Variants in DENND2B observed in about 807,000 individuals in gnomAD.
DENND2B encodes DENN domain-containing protein 2B.
A neutral mutation model predicts 116.0 loss-of-function variants in DENND2B; 32 were observed. That is an observed-to-expected ratio of 0.28 (90% CI 0.21 to 0.37). DENND2B has a LOEUF of 0.37. Among genes scored for constraint, DENND2B ranks in the 10% least tolerant of loss-of-function variants. The probability of loss-of-function intolerance (pLI) is 1.00; values close to 1 mark genes in which losing one functional copy is unlikely to be tolerated. For synonymous variants in DENND2B, 588 were observed against 583.9 expected (o/e 1.01, Z -0.10); for missense variants, 1,276 against 1,477.7 (o/e 0.86, Z 2.24).
chr11:8,792,183 C>T (rs1045593414), intron 1 of DENND2B, among the ~76,000 whole-genome samples: 1 of 152,080 alleles, frequency 6.6e-6, no homozygotes, highest in African/African-American at 2.4e-5. Context: ...CCAGCCTGGG[C>T]AACAGAGTGA....
chr11:8,755,678 G>C (rs571397981), intron 1 of DENND2B, among the ~76,000 whole-genome samples: 8 of 152,292 alleles, frequency 5.3e-5, no homozygotes, highest in Admixed American at 1.3e-4. Flanking sequence ...GGTAGAGATG[G>C]GGTTTCTTTA....
Position 8,743,561 on chromosome 11 carries a change from T to A in DENND2B, c.80+7060A>T, listed in dbSNP as rs552522181. On this transcript the variant is annotated intron_variant, in intron 2 of 19. Coordinates refer to ENST00000313726, the MANE Select transcript of DENND2B (RefSeq NM_213618.2). ...TGAGACCCTGTCTCAAAAAAAAAAA[T>A]TTTTTTTTTAAATTACTTAAAGTGT... 4.6e-4 allele frequency among the ~76,000 whole-genome samples: 68 copies of A among 148,478 alleles called. 1 individual carries two copies. The South Asian group carries it at 5.1e-3, about 11-fold the overall frequency.
chr11:8,910,141 C>T (rs1450172750), intron 1 of DENND2B, among the ~76,000 whole-genome samples: 1 of 151,904 alleles, frequency 6.6e-6, no homozygotes, highest in Non-Finnish European at 1.5e-5. Flanking sequence ...GTACTTCCCA[C>T]TGGAGGGGAG....
At chr11:8,882,106 C>T (rs1239968232) in intron 1 of DENND2B, among the ~76,000 whole-genome samples, 1 of 152,072 alleles carries the variant, frequency 6.6e-6, no homozygotes, top group African/African-American at 2.4e-5. Context: ...ATCTCTAGCT[C>T]CGACTTCTCT....
In DENND2B at chr11:8,763,437, G is replaced by A. The variant is rs556434221; in HGVS notation, c.-25-12712C>T. Among the ~76,000 whole-genome samples the A allele has an allele frequency of 5.9e-5, 9 of 152,032 alleles. No individual in the cohort carries two copies. In the South Asian group the frequency reaches 1.9e-3, roughly 32 times the overall value. On this transcript the variant is annotated intron_variant, in intron 1 of 19. Coordinates refer to ENST00000313726, the MANE Select transcript of DENND2B (RefSeq NM_213618.2). ...CATGCATACTAAAAGACAAGTATGA[G>A]AATGTGCATAACAACACTATTCATA...
intron 3 of DENND2B, among the ~76,000 whole-genome samples, chr11:8,728,653 G>C (rs1261537968): frequency 3.3e-5 from 5 of 152,106 alleles, no homozygotes; most frequent in Admixed American, 1.3e-4. Context: ...ATTTAGCTCA[G>C]CAACTCCCTC....
At chr11:8,775,740 C>T (rs1427699719) in intron 1 of DENND2B, among the ~76,000 whole-genome samples, 1 of 152,178 alleles carries the variant, frequency 6.6e-6, no homozygotes, top group Non-Finnish European at 1.5e-5. Flanking sequence ...GAAACAATGT[C>T]ATCTTCTTTG....
At chr11:8,891,961 C>A (rs1485233284) in intron 1 of DENND2B, among the ~76,000 whole-genome samples, 3 of 152,186 alleles carry the variant, frequency 2.0e-5, no homozygotes, top group Non-Finnish European at 2.9e-5. Context: ...CCACACCGCA[C>A]TTATTCGAAA....
chr11:8,882,634 A>G (rs1051436642), intron 1 of DENND2B, among the ~76,000 whole-genome samples: 1 of 152,208 alleles, frequency 6.6e-6, no homozygotes, highest in Non-Finnish European at 1.5e-5. Context: ...AACCTAACCC[A>G]CTAGAAAAAT....
intron 3 of DENND2B, among the ~76,000 whole-genome samples, chr11:8,846,090 C>A (rs557247320): frequency 2.0e-5 from 3 of 152,286 alleles, no homozygotes; most frequent in East Asian, 3.9e-4. Flanking sequence ...GATGGGAAAC[C>A]ATGGTCCACA....
At chr11:8,858,629 G>C (rs1034745237) in intron 2 of DENND2B, among the ~76,000 whole-genome samples, 1 of 152,184 alleles carries the variant, frequency 6.6e-6, no homozygotes, top group Non-Finnish European at 1.5e-5. Flanking sequence ...ACTTCTAAGT[G>C]TGATAGCATT....
At position 8,754,029 on chromosome 11, in the gene DENND2B, G is replaced by GCACACACACA. The variant is rs60488372; in HGVS notation, c.-25-3314_-25-3305dup. ...TTCTTAGATATAACACCAAAAGCGC[G>GCACACACACA]CACACACACACACACACACACACAC... On this transcript the variant is annotated intron_variant, in intron 1 of 19. Transcript: ENST00000313726. 7.3e-3 allele frequency among the ~76,000 whole-genome samples: 1,020 copies of GCACACACACA among 138,806 alleles called. 13 individuals are homozygous for GCACACACACA. The highest frequency in any genetic ancestry group is 0.023 in the East Asian group (109 of 4,640). The allele number at this position is 138,806 out of a possible 152,430, so 91.1% of individuals were successfully genotyped here.
chr11:8,706,976 G>T, intron 13 of DENND2B, 109 bp downstream of exon 13: 1 of 1,386,594 alleles, frequency 7.2e-7, no homozygotes, highest in Non-Finnish European at 9.7e-7. Context: ...ACATGGTTGA[G>T]CAAGGAGGGA....
chr11:8,816,218 T>C (rs2061561893), intron 4 of DENND2B, among the ~76,000 whole-genome samples: 1 of 152,110 alleles, frequency 6.6e-6, no homozygotes, highest in Admixed American at 6.6e-5. Flanking sequence ...GGTCCAGTGG[T>C]ATTCCCACTG....
chr11:8,717,664 G>A (rs2045171302), intron 5 of DENND2B, 77 bp downstream of exon 5: 3 of 1,462,012 alleles, frequency 2.1e-6, no homozygotes, highest in South Asian at 1.6e-5. Context: ...GTGGAAGCTG[G>A]GCCCAAGTCT....
intron 1 of DENND2B, among the ~76,000 whole-genome samples, chr11:8,803,963 C>T (rs1441541106): frequency 6.6e-6 from 1 of 152,216 alleles, no homozygotes; most frequent in Admixed American, 6.5e-5. Context: ...CAATACCACA[C>T]TGAGAAAGAC....
intron 1 of DENND2B, among the ~76,000 whole-genome samples, chr11:8,895,282 G>A (rs1339179623): frequency 6.6e-6 from 1 of 152,074 alleles, no homozygotes; most frequent in Non-Finnish European, 1.5e-5. Context: ...AGCATTAGGA[G>A]ATATACCTAA....
At chr11:8,830,465 A>G (rs2062160723) in intron 4 of DENND2B, among the ~76,000 whole-genome samples, 1 of 152,236 alleles carries the variant, frequency 6.6e-6, no homozygotes, top group Non-Finnish European at 1.5e-5. Context: ...GTCTCTCCCA[A>G]TAGCTTATAA....
chr11:8,750,672 C>A lies in DENND2B; in HGVS notation c.29G>T (p.Ser10Ile), dbSNP rs140583957. 17 of 1,614,068 alleles carry A rather than the reference C, an allele frequency of 1.1e-5. No homozygotes were observed. Among genetic ancestry groups the A allele is most frequent in the Middle Eastern group, 1.6e-4 (1 of 6,084 alleles). Residue 10 changes from serine to isoleucine, a missense_variant, in exon 2 of 20, where the codon AGC becomes ATC. By Grantham distance (142) the Ser-to-Ile change is moderately radical (BLOSUM62 -2). Transcript: ENST00000313726. MTMTANKNS[S>I]ITHGAGGTKA... Reference sequence around the variant, plus strand: ...AGTGCCACCAGCTCCGTGGGTGATGCTGGAATTCTTGTTGGCAGTCATGGT... The same window carrying A: ...AGTGCCACCAGCTCCGTGGGTGATGATGGAATTCTTGTTGGCAGTCATGGT...
Sources: allele counts gnomAD v4.1 joint callset (sites outside exome capture counted in the v4.1 genomes callset), GRCh38; gene constraint gnomAD v4.1.1; transcripts MANE v1.5; gene names NCBI Gene and HGNC (gene_info 2026-07-23, HGNC 2026-07-21).